The following RCAN1 variants were observed in gnomAD, a reference collection of about 807,000 sequenced individuals.
RCAN1 encodes regulator of calcineurin 1.
In RCAN1, 11 loss-of-function variants were observed where a neutral mutation model predicts 22.9. That is an observed-to-expected ratio of 0.48 (90% CI 0.30 to 0.79). RCAN1 has a LOEUF of 0.79. Ranked by LOEUF, RCAN1 falls within the 30% of genes least tolerant of loss-of-function variation. The probability of loss-of-function intolerance (pLI) is 0.06; values close to 1 mark genes in which losing one functional copy is unlikely to be tolerated. For synonymous variants in RCAN1, 136 were observed against 142.3 expected (o/e 0.96, Z 0.32); for missense variants, 291 against 337.8 (o/e 0.86, Z 1.09).
intron 1 of RCAN1, among the ~76,000 whole-genome samples, chr21:34,570,518 C>T (rs940428437): frequency 2.6e-5 from 4 of 152,202 alleles, no homozygotes; most frequent in Non-Finnish European, 4.4e-5. Context: ...TAGTGGTCTA[C>T]CACTGAAACA....
At chr21:34,574,555 GAA>G (rs1987344639) in intron 1 of RCAN1, among the ~76,000 whole-genome samples, 1 of 152,108 alleles carries the variant, frequency 6.6e-6, no homozygotes, top group Non-Finnish European at 1.5e-5. Flanking sequence ...TCCAGAATAG[GAA>G]ACGTGAATAA....
chr21:34,539,731 A>T (rs1162463752), intron 1 of RCAN1, among the ~76,000 whole-genome samples: 3 of 152,200 alleles, frequency 2.0e-5, no homozygotes, highest in Non-Finnish European at 4.4e-5. Flanking sequence ...TTTGCTCTGT[A>T]TCTGTTATGC....
intron 1 of RCAN1, among the ~76,000 whole-genome samples, chr21:34,532,998 T>C (rs530485763): frequency 6.6e-6 from 1 of 151,284 alleles, no homozygotes; most frequent in Admixed American, 6.6e-5. Flanking sequence ...TCTTGCTCTG[T>C]CGCCCAGGCT....
At chr21:34,543,275 T>C (rs999150878) in intron 1 of RCAN1, among the ~76,000 whole-genome samples, 2 of 152,322 alleles carry the variant, frequency 1.3e-5, no homozygotes, top group East Asian at 1.9e-4. Context: ...TAGGAGATGA[T>C]GGATTACCAG....
chr21:34,607,729 T>G (rs1200120216), intron 1 of RCAN1, among the ~76,000 whole-genome samples: 1 of 152,202 alleles, frequency 6.6e-6, no homozygotes, highest in Non-Finnish European at 1.5e-5. Context: ...CAAAAAAGTT[T>G]CCAAATTAAA....
At chr21:34,611,117 C>T (rs1988676427) in intron 1 of RCAN1, among the ~76,000 whole-genome samples, 1 of 152,108 alleles carries the variant, frequency 6.6e-6, no homozygotes, top group Non-Finnish European at 1.5e-5. Context: ...TCCTGGTCAG[C>T]TTGATGATGA....
At chr21:34,588,066 T>A (rs183759723) in intron 1 of RCAN1, among the ~76,000 whole-genome samples, 2 of 152,228 alleles carry the variant, frequency 1.3e-5, no homozygotes, top group African/African-American at 4.8e-5. Context: ...CCAGTCACTA[T>A]AATTGTATGA....
At chr21:34,581,031 G>A (rs777454479) in intron 1 of RCAN1, among the ~76,000 whole-genome samples, 33 of 152,208 alleles carry the variant, frequency 2.2e-4, no homozygotes, top group Non-Finnish European at 4.4e-4. Flanking sequence ...GAACCACCCA[G>A]AAGTCACGAG....
intron 1 of RCAN1, among the ~76,000 whole-genome samples, chr21:34,539,344 G>A (rs1247961773): frequency 6.6e-6 from 1 of 152,138 alleles, no homozygotes; most frequent in Admixed American, 6.5e-5. Context: ...ATAGTAAGGT[G>A]GTGAAAACTA....
At position 34,538,647 on chromosome 21, in the gene RCAN1, T is replaced by C. The variant is rs1044178951; in HGVS notation, c.253-14937A>G. Among the ~76,000 whole-genome samples the C allele has an allele frequency of 2.0e-5, 3 of 152,102 alleles. No homozygotes were observed. In the South Asian group the frequency reaches 6.2e-4, roughly 32 times the overall value. Reference sequence around the variant, plus strand: ...CTACCAAGTGGTCCTAGTGGAAGCCTAGCCGACTCTACAGGGAGCTTTGAG... The same window carrying C: ...CTACCAAGTGGTCCTAGTGGAAGCCCAGCCGACTCTACAGGGAGCTTTGAG... On this transcript the variant is annotated intron_variant, in intron 1 of 3. Coordinates refer to ENST00000313806, the MANE Select transcript of RCAN1 (RefSeq NM_004414.7).
At chr21:34,535,448 G>T (rs1265857972) in intron 1 of RCAN1, among the ~76,000 whole-genome samples, 1 of 151,070 alleles carries the variant, frequency 6.6e-6, no homozygotes, top group African/African-American at 2.4e-5. Context: ...GAATGCCCCG[G>T]AGAAAATACG....
chr21:34,615,088 C>T lies in RCAN1; in HGVS notation c.-77G>A. On this transcript the variant is annotated 5_prime_UTR_variant, in exon 1 of 4. Transcript: ENST00000313806. ...CGCCGGAGCCTCACGCGCTCCGGTC[C>T]GCGCCCGGCCGGCGGCTCCGCCGTT... 2 of 999,434 alleles carry T rather than the reference C, an allele frequency of 2.0e-6. No individual in the cohort carries two copies. The highest frequency in any genetic ancestry group is 2.4e-6 in the Non-Finnish European group (2 of 839,192). 61.9% of individuals were successfully genotyped at this position (999,434 alleles called of 1,614,324 possible).
chr21:34,528,410 C>T (rs900414948), intron 1 of RCAN1, among the ~76,000 whole-genome samples: 5 of 152,286 alleles, frequency 3.3e-5, no homozygotes, highest in African/African-American at 1.2e-4. Context: ...TAACTCCCAA[C>T]CTGAAAAGAC....
intron 1 of RCAN1, among the ~76,000 whole-genome samples, chr21:34,606,176 A>G (rs1470389624): frequency 6.6e-6 from 1 of 152,188 alleles, no homozygotes; most frequent in Non-Finnish European, 1.5e-5. Context: ...GGGAGAGAAC[A>G]ATGAACAGTG....
At chr21:34,563,570 C>T (rs1013926941) in intron 1 of RCAN1, among the ~76,000 whole-genome samples, 1 of 151,264 alleles carries the variant, frequency 6.6e-6, no homozygotes, top group African/African-American at 2.4e-5. Flanking sequence ...GGCTGAAGTC[C>T]ATGGGGTAGG....
intron 1 of RCAN1, among the ~76,000 whole-genome samples, chr21:34,592,331 T>A (rs1002249655): frequency 6.6e-6 from 1 of 152,164 alleles, no homozygotes; most frequent in East Asian, 1.9e-4. Context: ...GAGTCCCTGA[T>A]AATGGCGTCC....
intron 1 of RCAN1, among the ~76,000 whole-genome samples, chr21:34,597,891 A>C (rs1336661042): frequency 6.6e-6 from 1 of 152,214 alleles, no homozygotes; most frequent in Non-Finnish European, 1.5e-5. Context: ...GGTAAAAATA[A>C]GTGTAATTTA....
intron 1 of RCAN1, chr21:34,560,030 G>A (rs1413803017): frequency 1.3e-5 from 2 of 152,166 alleles, no homozygotes; most frequent in African/African-American, 2.4e-5. Flanking sequence ...CTCAGGCTCT[G>A]AACTGAGAAA....
intron 1 of RCAN1, chr21:34,525,072 A>G (rs768153397): frequency 2.9e-5 from 45 of 1,550,466 alleles, no homozygotes; most frequent in Non-Finnish European, 3.8e-5. Context: ...CAGCGCGGAC[A>G]GAGCTCACTG....
Sources: allele counts gnomAD v4.1 joint callset (sites outside exome capture counted in the v4.1 genomes callset), GRCh38; gene constraint gnomAD v4.1.1; transcripts MANE v1.5; gene names NCBI Gene and HGNC (gene_info 2026-07-23, HGNC 2026-07-21).